The following MACC1 variants were observed in gnomAD, a reference collection of about 807,000 sequenced individuals.
MACC1 encodes metastasis-associated in colon cancer protein 1.
MACC1 carries 79 observed loss-of-function variants against 70.7 expected under a neutral mutation model. The ratio of observed to expected loss-of-function variants is 1.12; its 90% CI spans 0.93 to 1.35. MACC1 has a LOEUF of 1.35. Ranked by LOEUF, MACC1 falls within the 40% of genes most tolerant of loss-of-function variation. MACC1 has a pLI of 0.00. For missense variants in MACC1, 1,106 were observed against 978.1 expected (o/e 1.13, Z -1.74); for synonymous variants, 361 against 347.2 (o/e 1.04, Z -0.44).
intron 2 of MACC1, among the ~76,000 whole-genome samples, chr7:20,165,534 G>GT (rs1362769999): frequency 1.2e-5 from 1 of 86,368 alleles, no homozygotes; most frequent in African/African-American, 6.8e-5. Context: ...AGGTGGTATA[G>GT]GGGAAAAAAA....
chr7:20,193,822 C>A (rs1226725517), intron 1 of MACC1, among the ~76,000 whole-genome samples: 2 of 151,220 alleles, frequency 1.3e-5, no homozygotes, highest in African/African-American at 4.9e-5. Flanking sequence ...AAGTAAAACC[C>A]TTAGGAGCCA....
chr7:20,174,586 C>T (rs199845194), intron 1 of MACC1, among the ~76,000 whole-genome samples: 6 of 151,952 alleles, frequency 3.9e-5, no homozygotes, highest in South Asian at 2.1e-4. Context: ...AAGAAAAGTA[C>T]GAGAATAAAA....
At chr7:20,167,575 C>T (rs1782239297) in intron 2 of MACC1, among the ~76,000 whole-genome samples, 1 of 151,176 alleles carries the variant, frequency 6.6e-6, no homozygotes. Context: ...TACTAAGTAG[C>T]AAACCAGTCT....
At chr7:20,182,560 G>C (rs537913168) in intron 1 of MACC1, among the ~76,000 whole-genome samples, 2 of 152,234 alleles carry the variant, frequency 1.3e-5, no homozygotes, top group South Asian at 4.1e-4. Context: ...TATTCTGAAG[G>C]GTTGCCTTTA....
chr7:20,202,007 G>A (rs1053665097), intron 1 of MACC1, among the ~76,000 whole-genome samples: 1 of 152,072 alleles, frequency 6.6e-6, no homozygotes, highest in Non-Finnish European at 1.5e-5. Context: ...CACACTCCTA[G>A]GTGTTTAGTG....
chr7:20,195,331 G>T (rs184868830), intron 1 of MACC1, among the ~76,000 whole-genome samples: 2 of 152,296 alleles, frequency 1.3e-5, no homozygotes, highest in Admixed American at 1.3e-4. Context: ...TCTCATAAAA[G>T]ATTATAGCCT....
At chr7:20,154,777 C>T (rs1217855326) in intron 5 of MACC1, among the ~76,000 whole-genome samples, 2 of 151,950 alleles carry the variant, frequency 1.3e-5, no homozygotes, top group Non-Finnish European at 2.9e-5. Context: ...GAAATAAAGC[C>T]TCGTTCTAGG....
chr7:20,214,094 G>C (rs938746361), intron 1 of MACC1, among the ~76,000 whole-genome samples: 3 of 151,840 alleles, frequency 2.0e-5, no homozygotes, highest in African/African-American at 7.3e-5. Context: ...CTCTCCTGGT[G>C]TCATATTCCC....
intron 6 of MACC1, 50 bp from the exon 7 acceptor site, chr7:20,141,208 G>A: frequency 1.5e-6 from 2 of 1,299,078 alleles, no homozygotes; most frequent in Non-Finnish European, 2.1e-6. Flanking sequence ...GAAAGGAGAG[G>A]AAAATCGTTT....
chr7:20,172,483 GCACATATATATACA>G (rs1782323671), intron 1 of MACC1, among the ~76,000 whole-genome samples: 1 of 151,676 alleles, frequency 6.6e-6, no homozygotes, highest in African/African-American at 2.4e-5. Context: ...ATATATATAC[GCACATATATATACA>G]CACATATATA....
At chr7:20,179,241 AG>A (rs1357842518) in intron 1 of MACC1, among the ~76,000 whole-genome samples, 4 of 108,164 alleles carry the variant, frequency 3.7e-5, no homozygotes, top group African/African-American at 2.0e-4. Context: ...GCTATCTTAC[AG>A]AAAAAAAAAA....
At chr7:20,209,190 G>T (rs908830202) in intron 1 of MACC1, among the ~76,000 whole-genome samples, 5 of 152,220 alleles carry the variant, frequency 3.3e-5, no homozygotes, top group South Asian at 2.1e-4. Context: ...CCGCTCTGGG[G>T]CACTGCCCAG....
At chr7:20,210,495 T>C (rs1348116527) in intron 1 of MACC1, among the ~76,000 whole-genome samples, 1 of 152,220 alleles carries the variant, frequency 6.6e-6, no homozygotes, top group East Asian at 1.9e-4. Flanking sequence ...GTAAAATACA[T>C]GCTAACTGAA....
chr7:20,204,322 T>G (rs1006117081), intron 1 of MACC1, among the ~76,000 whole-genome samples: 2 of 152,010 alleles, frequency 1.3e-5, no homozygotes, highest in Non-Finnish European at 2.9e-5. Context: ...GCCCGGCTAA[T>G]TTTTTGTATT....
intron 3 of MACC1, among the ~76,000 whole-genome samples, chr7:20,162,534 G>T (rs1782153547): frequency 6.6e-6 from 1 of 152,054 alleles, no homozygotes; most frequent in African/African-American, 2.4e-5. Flanking sequence ...TCAGATATCA[G>T]CATTTATCAT....
At chr7:20,209,670 G>A (rs1401783709) in intron 1 of MACC1, among the ~76,000 whole-genome samples, 1 of 152,202 alleles carries the variant, frequency 6.6e-6, no homozygotes, top group Non-Finnish European at 1.5e-5. Flanking sequence ...GCTGGAATGA[G>A]TTAAGGCTTT....
intron 1 of MACC1, among the ~76,000 whole-genome samples, chr7:20,196,202 A>G (rs1400127431): frequency 6.6e-6 from 1 of 151,860 alleles, no homozygotes; most frequent in African/African-American, 2.4e-5. Flanking sequence ...TATTTTTTTG[A>G]GATGGATTCT....
At chr7:20,205,063 T>C (rs936907349) in intron 1 of MACC1, among the ~76,000 whole-genome samples, 1 of 151,654 alleles carries the variant, frequency 6.6e-6, no homozygotes, top group Non-Finnish European at 1.5e-5. Context: ...GAATTCATAC[T>C]TTATTGGATA....
In MACC1 at chr7:20,154,177, CA is replaced by C. The variant is rs780736874; in HGVS notation, c.2346+15del. ...TGCAACTTTTCACTATTGAATTACA[CA>C]AACAGAAGTCTTACCTCAACAGCAA... On this transcript the variant is annotated intron_variant, in intron 6 of 6. Transcript: ENST00000400331. The C allele has an allele frequency of 1.2e-5, 19 of 1,613,058 alleles. No individual in the cohort carries two copies. The highest frequency in any genetic ancestry group is 1.6e-5 in the Non-Finnish European group (19 of 1,179,354).
Sources: gnomAD v4.1 joint callset for allele counts (sites outside exome capture counted in the v4.1 genomes callset) on GRCh38, gnomAD v4.1.1 for gene constraint, MANE v1.5 for transcripts, NCBI Gene and HGNC (gene_info 2026-07-23, HGNC 2026-07-21) for gene names.